RCC2: variants seen among roughly 807,000 people sequenced by gnomAD.
RCC2 encodes the protein protein RCC2.
A neutral mutation model predicts 64.1 loss-of-function variants in RCC2; 19 were observed. The ratio of observed to expected loss-of-function variants is 0.30; its 90% CI spans 0.21 to 0.44. RCC2 has a LOEUF of 0.44. Among genes scored for constraint, RCC2 ranks in the 20% least tolerant of loss-of-function variants. The pLI, the probability that RCC2 is intolerant of heterozygous loss-of-function variation, is 1.00. For synonymous variants in RCC2, 325 were observed against 279.6 expected (o/e 1.16, Z -1.62); for missense variants, 508 against 710.4 (o/e 0.72, Z 3.24).
intron 1 of RCC2, 127 bp from the exon 2 acceptor site, chr1:17,438,649 G>A (rs1164516979): frequency 3.0e-6 from 3 of 994,970 alleles, no homozygotes; most frequent in African/African-American, 3.4e-5. Context: ...CGGCCGCAGG[G>A]TGGGCGGAGA....
At chr1:17,412,599 G>A (rs1201107843) in intron 10 of RCC2, among the ~76,000 whole-genome samples, 2 of 152,196 alleles carry the variant, frequency 1.3e-5, no homozygotes, top group African/African-American at 4.8e-5. Context: ...CGCCGACAGA[G>A]GCCCCTCATA....
intron 1 of RCC2, among the ~76,000 whole-genome samples, chr1:17,438,780 C>T (rs1341892226): frequency 1.3e-5 from 2 of 152,162 alleles, no homozygotes; most frequent in East Asian, 3.9e-4. Flanking sequence ...TTGAGACCCC[C>T]GGCCTATCCG....
At position 17,428,919 on chromosome 1, in the gene RCC2, C is replaced by A. The variant is rs11577108; in HGVS notation, c.379+187G>T. On this transcript the variant is annotated intron_variant, in intron 3 of 12. Coordinates refer to ENST00000375436, the MANE Select transcript of RCC2 (RefSeq NM_018715.4). ...ATTAGTGAGTCACTTCAAAATTGTG[C>A]CTTTAAAAGACTAAGATTAGGGTTC... Among the ~76,000 whole-genome samples, 1,268 of 152,288 alleles carry A rather than the reference C, an allele frequency of 8.3e-3. 13 individuals carry two copies. Among genetic ancestry groups the A allele is most frequent in the African/African-American group, 0.029 (1,209 of 41,554 alleles).
intron 8 of RCC2, among the ~76,000 whole-genome samples, chr1:17,414,734 C>T (rs1279604207): frequency 2.0e-5 from 3 of 151,992 alleles, no homozygotes; most frequent in Non-Finnish European, 4.4e-5. Context: ...TGGGCTCAAG[C>T]GATTCTCCTA....
At chr1:17,421,349 GC>G (rs1215294881) in intron 6 of RCC2, among the ~76,000 whole-genome samples, 1 of 152,078 alleles carries the variant, frequency 6.6e-6, no homozygotes, top group Non-Finnish European at 1.5e-5. Context: ...ACAAAAATTA[GC>G]CAGGCGTGGT....
rs141272021 is a variant in RCC2, at chr1:17,430,159, T to G, written c.286-960A>C. Reference sequence around the variant, plus strand: ...CTATCACTTTCCGCTCTTACACATCTTTCCTGGACGTGAAAAGGAAAGGGG... The same window carrying G: ...CTATCACTTTCCGCTCTTACACATCGTTCCTGGACGTGAAAAGGAAAGGGG... On this transcript the variant is annotated intron_variant, in intron 2 of 12. Coordinates refer to ENST00000375436, the MANE Select transcript of RCC2 (RefSeq NM_018715.4). 1.4e-3 allele frequency among the ~76,000 whole-genome samples: 206 copies of G among 152,340 alleles called. 2 individuals carry two copies. The highest frequency in any genetic ancestry group is 3.3e-3 in the Admixed American group (51 of 15,302).
At position 17,439,647 on chromosome 1, in the gene RCC2, C is replaced by T. The variant is rs866254523; in HGVS notation, c.-111G>A. The T allele has an allele frequency of 6.7e-5, 10 of 149,768 alleles. No individual in the cohort carries two copies. The highest frequency in any genetic ancestry group is 1.9e-4 in the East Asian group (1 of 5,152). The allele number at this position is 149,768 out of a possible 1,614,324, so 9.3% of individuals were successfully genotyped here. On this transcript the variant is annotated 5_prime_UTR_variant, in exon 1 of 13. Coordinates refer to ENST00000375436, the MANE Select transcript of RCC2 (RefSeq NM_018715.4). Reference sequence around the variant, plus strand: ...TCCGGCCCAGACGAGGGCTCCAGCCCACTCACCAGATACACTTAAAATGTA... The same window carrying T: ...TCCGGCCCAGACGAGGGCTCCAGCCTACTCACCAGATACACTTAAAATGTA...
At chr1:17,430,962 C>T (rs1450630816) in intron 2 of RCC2, among the ~76,000 whole-genome samples, 1 of 151,870 alleles carries the variant, frequency 6.6e-6, no homozygotes, top group Non-Finnish European at 1.5e-5. Context: ...AGGTGATCCA[C>T]CCACCTTGGC....
chr1:17,435,734 T>C (rs2075728731), intron 2 of RCC2, among the ~76,000 whole-genome samples: 1 of 152,144 alleles, frequency 6.6e-6, no homozygotes, highest in South Asian at 2.1e-4. Flanking sequence ...CTGGCCAACG[T>C]GGTGAAACCC....
chr1:17,419,815 C>T (rs941001864), intron 7 of RCC2, among the ~76,000 whole-genome samples: 3 of 152,296 alleles, frequency 2.0e-5, no homozygotes, highest in Admixed American at 6.5e-5. Flanking sequence ...GCCATGGAAA[C>T]CGCTCTCCAA....
intron 2 of RCC2, among the ~76,000 whole-genome samples, chr1:17,436,604 TCA>T (rs1205134997): frequency 6.6e-6 from 1 of 152,190 alleles, no homozygotes; most frequent in Middle Eastern, 3.2e-3. Context: ...CCAGTGTCCC[TCA>T]CACACTCCCT....
Position 17,438,300 on chromosome 1 carries a change from G to T in RCC2, c.215C>A (p.Pro72Gln), listed in dbSNP as rs781509466. Residue 72 changes from proline (P) to glutamine (Q), a missense_variant, in exon 2 of 13, where the codon CCG (proline) becomes CAG (glutamine). Coordinates refer to ENST00000375436, the MANE Select transcript of RCC2 (RefSeq NM_018715.4). ...APGGGKRAAR[P>Q]ATAGKAGGAA... is the part of the protein sequence containing the mutation. ...GCCGCCCGCCTTGCCTGCTGTCGCC[G>T]GCCGCGCCGCGCGCTTGCCCCCGCC... 14 of 1,254,552 alleles carry T rather than the reference G, an allele frequency of 1.1e-5. No individual in the cohort carries two copies. In the South Asian group the frequency reaches 1.7e-4, roughly 16 times the overall value. 77.7% of individuals were successfully genotyped at this position (1,254,552 alleles called of 1,614,324 possible).
At chr1:17,418,019 A>G (rs1417242266) in intron 7 of RCC2, among the ~76,000 whole-genome samples, 4 of 144,756 alleles carry the variant, frequency 2.8e-5, no homozygotes, top group African/African-American at 1.0e-4. Context: ...TACAGGTTAC[A>G]TGCAAATACT....
At chr1:17,421,202 G>GA (rs998810240) in intron 6 of RCC2, among the ~76,000 whole-genome samples, 27 of 151,074 alleles carry the variant, frequency 1.8e-4, no homozygotes, top group Non-Finnish European at 2.7e-4. Flanking sequence ...AAGTTTCTTA[G>GA]AAAAAAAAAG....
Position 17,438,471 on chromosome 1 carries a change from C to G in RCC2, c.44G>C (p.Ser15Thr), listed in dbSNP as rs2100404941. 3.7e-6 allele frequency: 5 copies of G among 1,337,710 alleles called. No homozygotes were observed. The highest frequency in any genetic ancestry group is 3.8e-6 in the Non-Finnish European group (4 of 1,048,760). 82.9% of individuals were successfully genotyped at this position (1,337,710 alleles called of 1,614,324 possible). A position where few individuals can be genotyped will look rare whatever the true frequency, so the allele number is the denominator to read the frequency against. ...KAAAAAWEEP[S>T]SGNGTARAGP... is the part of the protein sequence containing the mutation. ...GGCGCGGGCAGTGCCGTTGCCCGAG[C>G]TCGGCTCCTCCCAGGCCGCCGCCGC... The change falls in exon 2 of 13, where the codon AGC becomes ACC. Residue 15 changes from serine (S) to threonine (T), a missense_variant. Physicochemically the swap from Ser to Thr is moderately conservative, Grantham distance 58. Transcript: ENST00000375436.
chr1:17,429,310 T>C (rs546055219), intron 2 of RCC2, 111 bp from the exon 3 acceptor site: 8 of 812,880 alleles, frequency 9.8e-6, no homozygotes, highest in East Asian at 2.5e-5. Flanking sequence ...TTAGCCCTTA[T>C]GTCACCTGTG....
intron 1 of RCC2, among the ~76,000 whole-genome samples, chr1:17,439,275 A>G (rs777008893): frequency 9.4e-5 from 14 of 148,388 alleles, no homozygotes; most frequent in Non-Finnish European, 1.8e-4. Flanking sequence ...ATTCGACTGC[A>G]AAGTGTCCAG....
rs1304214949 is a variant in RCC2, at chr1:17,413,628, G to A, written c.1116C>T (p.Val372=). The A allele has an allele frequency of 1.9e-6, 3 of 1,614,144 alleles. No individual in the cohort carries two copies. The highest frequency in any genetic ancestry group is 2.2e-5 in the East Asian group (1 of 44,878). The change falls in exon 9 of 13, where the codon GTC becomes GTT. Residue 372 remains valine, a synonymous_variant. Transcript: ENST00000375436. The part of the protein sequence containing the change: ...LGHAEQKDEM[V]PRLVKLFDFP... The stretch of plus-strand genomic sequence containing the variant: ...AGTCAAACAGCTTCACCAGGCGGGG[G>A]ACCATCTCATCCTTCTGCTCTGCGT...
intron 2 of RCC2, among the ~76,000 whole-genome samples, chr1:17,434,355 G>A (rs1204087346): frequency 6.6e-6 from 1 of 152,202 alleles, no homozygotes; most frequent in Admixed American, 6.5e-5. Flanking sequence ...CCTACATAAT[G>A]AAGCCTCCGT....
Sources: allele counts gnomAD v4.1 joint callset (sites outside exome capture counted in the v4.1 genomes callset), GRCh38; gene constraint gnomAD v4.1.1; transcripts MANE v1.5; gene names NCBI Gene and HGNC (gene_info 2026-07-23, HGNC 2026-07-21).